CREB3L2: variants seen among roughly 807,000 people sequenced by gnomAD.
CREB3L2 encodes cyclic AMP-responsive element-binding protein 3-like protein 2.
CREB3L2 carries 23 observed loss-of-function variants against 57.2 expected under a neutral mutation model. The ratio of observed to expected loss-of-function variants is 0.40; its 90% CI spans 0.29 to 0.57. The LOEUF (loss-of-function observed/expected upper bound fraction) is 0.57, where lower values mean the gene tolerates loss of function less well. CREB3L2 is among the 20% of genes least tolerant of loss of function. The pLI is 0.42. For missense variants in CREB3L2, 628 were observed against 634.7 expected (o/e 0.99, Z 0.11); for synonymous variants, 268 against 265.1 (o/e 1.01, Z -0.11).
chr7:137,884,140 G>C (rs933415966), intron 10 of CREB3L2: 3 of 152,222 alleles, frequency 2.0e-5, no homozygotes, highest in Admixed American at 1.3e-4. Flanking sequence ...CAAGTAGCTG[G>C]GACTATAGGT....
At chr7:137,963,739 G>A (rs144868741) in intron 1 of CREB3L2, among the ~76,000 whole-genome samples, 2 of 152,150 alleles carry the variant, frequency 1.3e-5, no homozygotes, top group Non-Finnish European at 2.9e-5. Flanking sequence ...CTAAATTGCC[G>A]AAGCAGGGAT....
rs1411618308 is a variant in CREB3L2, at chr7:137,980,066, G to A, written c.102+21538C>T. Among the ~76,000 whole-genome samples the A allele has an allele frequency of 4.6e-5, 7 of 152,198 alleles. No individual in the cohort carries two copies. Among genetic ancestry groups the A allele is most frequent in the Non-Finnish European group, 7.3e-5 (5 of 68,032 alleles). ...TTTACATGCACATGGATCATCTGGGGATCTTCAGATTATAATTCAGAAAGT... is the reference window on the plus strand; with the variant it reads ...TTTACATGCACATGGATCATCTGGGAATCTTCAGATTATAATTCAGAAAGT... On this transcript the variant is annotated intron_variant, in intron 1 of 11. Transcript: ENST00000330387. This position sits in a 1 kb window ranked among gnomAD's most constrained non-coding sequence, Gnocchi z 4.3.
intron 8 of CREB3L2, among the ~76,000 whole-genome samples, chr7:137,896,825 C>T (rs924308718): frequency 1.3e-5 from 2 of 152,126 alleles, no homozygotes; most frequent in African/African-American, 4.8e-5. Context: ...AGAGGAACAT[C>T]GACAAACTTG....
intron 1 of CREB3L2, among the ~76,000 whole-genome samples, chr7:137,990,248 T>C (rs538630969): frequency 6.6e-6 from 1 of 152,336 alleles, no homozygotes; most frequent in East Asian, 1.9e-4. Flanking sequence ...GTTCCTATTC[T>C]GTAGCTGCTG....
intron 1 of CREB3L2, among the ~76,000 whole-genome samples, chr7:137,995,465 G>C (rs1013410994): frequency 6.8e-6 from 1 of 147,642 alleles, no homozygotes; most frequent in East Asian, 2.1e-4. Flanking sequence ...CTCCCGAGTA[G>C]CTGGGATTAC....
chr7:137,998,722 C>T (rs1802029771), intron 1 of CREB3L2, among the ~76,000 whole-genome samples: 1 of 152,218 alleles, frequency 6.6e-6, no homozygotes, highest in South Asian at 2.1e-4. Flanking sequence ...AAGCACTAGA[C>T]ACAATGTCTT....
chr7:137,890,800 T>C (rs1247511701), intron 8 of CREB3L2, among the ~76,000 whole-genome samples: 1 of 152,310 alleles, frequency 6.6e-6, no homozygotes, highest in East Asian at 1.9e-4. Context: ...AATGGGAGCT[T>C]GGATGACAGC....
intron 1 of CREB3L2, among the ~76,000 whole-genome samples, chr7:137,983,898 C>T (rs1164429430): frequency 1.3e-5 from 2 of 152,152 alleles, no homozygotes; most frequent in East Asian, 3.9e-4. Flanking sequence ...AAAGCACAAT[C>T]GGGCCTTTTG....
rs945886500 is a variant in CREB3L2 at position 137,880,022 on chromosome 7, G to A, written c.*454C>T. The A allele has an allele frequency of 5.2e-5, 13 of 251,994 alleles. No homozygotes were observed. The East Asian group carries it at 5.8e-4, about 11-fold the overall frequency. 15.6% of individuals were successfully genotyped at this position (251,994 alleles called of 1,614,324 possible). A position where few individuals can be genotyped will look rare whatever the true frequency, so the allele number is the denominator to read the frequency against. On this transcript the variant is annotated 3_prime_UTR_variant, in exon 12 of 12. Transcript: ENST00000330387. This position sits in a 1 kb window ranked among gnomAD's most constrained non-coding sequence, Gnocchi z 4.0. Reference sequence around the variant, plus strand: ...GTGTTCACACCAGAGACCCCAGTGCGAGCAACGGAGGACACGGGTCAGTGC... The same window carrying A: ...GTGTTCACACCAGAGACCCCAGTGCAAGCAACGGAGGACACGGGTCAGTGC...
intron 1 of CREB3L2, chr7:137,957,965 G>A (rs183415937): frequency 3.1e-4 from 113 of 361,532 alleles, no homozygotes; most frequent in African/African-American, 2.0e-3. Flanking sequence ...TGTGTCTGGC[G>A]TGTTCCGTCC....
rs529158770 is a variant in CREB3L2 at position 137,927,406 on chromosome 7, G to A, written c.319+744C>T. Among the ~76,000 whole-genome samples the A allele has an allele frequency of 4.2e-3, 544 of 128,950 alleles. 6 individuals are homozygous for A. Among genetic ancestry groups the A allele is most frequent in the African/African-American group, 0.02 (503 of 24,800 alleles). 84.6% of individuals were successfully genotyped at this position (128,950 alleles called of 152,430 possible). A position where few individuals can be genotyped will look rare whatever the true frequency, so the allele number is the denominator to read the frequency against. Reference sequence around the variant, plus strand: ...GGAAGGGAGGGAAGGAGGGAAGGAAGGGAAGGGAAGGGAAGCAAGGGAGGG... The same window carrying A: ...GGAAGGGAGGGAAGGAGGGAAGGAAAGGAAGGGAAGGGAAGCAAGGGAGGG... On this transcript the variant is annotated intron_variant, in intron 2 of 11. Coordinates refer to ENST00000330387, the MANE Select transcript of CREB3L2 (RefSeq NM_194071.4).
chr7:137,922,400 A>ATATATATATATG (rs1800319382), intron 2 of CREB3L2, among the ~76,000 whole-genome samples: 1 of 20,442 alleles, frequency 4.9e-5, no homozygotes, highest in Non-Finnish European at 8.7e-5. Context: ...ATATATATAT[A>ATATATATATATG]TATATATATA....
At chr7:137,928,060 A>G (rs1462271008) in intron 2 of CREB3L2, 90 bp downstream of exon 2, 2 of 994,622 alleles carry the variant, frequency 2.0e-6, no homozygotes, top group East Asian at 2.6e-5. Context: ...GGGTGCTGAC[A>G]CCCTCTTTAA....
intron 1 of CREB3L2, among the ~76,000 whole-genome samples, chr7:137,942,974 AAGTC>A (rs1800902057): frequency 6.6e-6 from 1 of 152,224 alleles, no homozygotes; most frequent in African/African-American, 2.4e-5. Flanking sequence ...TCTAGAAAGA[AAGTC>A]AGCACAGCTT....
At chr7:137,982,747 C>T (rs1400722759) in intron 1 of CREB3L2, among the ~76,000 whole-genome samples, 2 of 152,114 alleles carry the variant, frequency 1.3e-5, no homozygotes, top group Non-Finnish European at 2.9e-5. Flanking sequence ...AGCATGAGAA[C>T]GGACTAATAC....
intron 2 of CREB3L2, among the ~76,000 whole-genome samples, chr7:137,925,964 G>C (rs1055782100): frequency 6.6e-6 from 1 of 152,202 alleles, no homozygotes; most frequent in Non-Finnish European, 1.5e-5. Context: ...CACAGCCTAA[G>C]AGCTATAAAT....
At chr7:137,913,376 G>A (rs760981336) in intron 3 of CREB3L2, among the ~76,000 whole-genome samples, 2 of 151,790 alleles carry the variant, frequency 1.3e-5, no homozygotes, top group Non-Finnish European at 2.9e-5. Context: ...TTGTGATGGC[G>A]TGCACCTGCA....
In CREB3L2 at chr7:137,928,165, C is replaced by T. The variant is rs1446411240; in HGVS notation, c.304G>A (p.Asp102Asn). Residue 102 changes from aspartate to asparagine, a missense_variant, in exon 2 of 12, where the codon GAC becomes AAC. Physicochemically the swap from Asp to Asn is conservative, Grantham distance 23. Coordinates refer to ENST00000330387, the MANE Select transcript of CREB3L2 (RefSeq NM_194071.4). ...CTGAGTTTACCGTCATTGAAGCTGT[C>T]ACTGGTGGTAATGTGGGTGAAGGGC... is the stretch of plus-strand genomic sequence containing the variant. Reference protein sequence around the residue: ...QSPFTHITTSDSFNDDEVESE... With the variant: ...QSPFTHITTSNSFNDDEVESE... 1.3e-6 allele frequency: 2 copies of T among 1,489,456 alleles called. No individual in the cohort carries two copies. The highest frequency in any genetic ancestry group is 2.4e-5 in the South Asian group (2 of 83,830). 92.3% of individuals were successfully genotyped at this position (1,489,456 alleles called of 1,614,324 possible). A position where few individuals can be genotyped will look rare whatever the true frequency, so the allele number is the denominator to read the frequency against.
chr7:137,953,402 C>A (rs910940419), intron 1 of CREB3L2: 1 of 1,142,170 alleles, frequency 8.8e-7, no homozygotes, highest in African/African-American at 1.6e-5. Context: ...CCACTCCAGT[C>A]TAGCTGAGGC....
Sources: allele counts gnomAD v4.1 joint callset (sites outside exome capture counted in the v4.1 genomes callset), GRCh38; gene constraint gnomAD v4.1.1; non-coding constraint Gnocchi (gnomAD v3.1); transcripts MANE v1.5; gene names NCBI Gene and HGNC (gene_info 2026-07-23, HGNC 2026-07-21).